Variants in NCAPG2 observed in about 807,000 individuals in gnomAD.
The protein encoded by NCAPG2 is condensin-2 complex subunit G2.
A neutral mutation model predicts 141.1 loss-of-function variants in NCAPG2; 53 were observed. The ratio of observed to expected loss-of-function variants is 0.38; its 90% CI spans 0.30 to 0.47. The LOEUF (loss-of-function observed/expected upper bound fraction) is 0.47. Among genes scored for constraint, NCAPG2 ranks in the 20% least tolerant of loss-of-function variants. The probability of loss-of-function intolerance (pLI) is 0.99; values close to 1 mark genes in which losing one functional copy is unlikely to be tolerated. For synonymous variants in NCAPG2, 499 were observed against 490.7 expected, an observed-to-expected ratio of 1.02 and a Z score of -0.22; for missense variants, 1,087 against 1,389.0, an observed-to-expected ratio of 0.78 and a Z score of 3.46.
At chr7:158,632,866 T>A (rs1473003799) in intron 27 of NCAPG2, among the ~76,000 whole-genome samples, 1 of 152,236 alleles carries the variant, frequency 6.6e-6, no homozygotes, top group African/African-American at 2.4e-5. Context: ...AAATTATTTA[T>A]GACATAGTTC....
Position 158,675,619 on chromosome 7 carries a change from G to A in NCAPG2, c.1184C>T (p.Thr395Ile), listed in dbSNP as rs990458116. The change falls in exon 12 of 28, where the codon ACA becomes ATA. Residue 395 changes from threonine to isoleucine, a missense_variant. Physicochemically the swap from Thr to Ile is moderately conservative, Grantham distance 89. Transcript: ENST00000356309. ...LEDPYPMVRS[T>I]GILGVCKITS... ...TATTTTACAAACACCAAGGATCCCT[G>A]TGGAACGGACCATCGGGTAAGGATC... 4 of 1,613,288 alleles carry A rather than the reference G, an allele frequency of 2.5e-6. No homozygotes were observed. The highest frequency in any genetic ancestry group is 1.3e-5 in the African/African-American group (1 of 74,876).
chr7:158,701,798 A>G, intron 2 of NCAPG2, 24 bp downstream of exon 2: 1 of 1,597,718 alleles, frequency 6.3e-7, no homozygotes, highest in South Asian at 1.1e-5. Flanking sequence ...AAAAATCACA[A>G]CAAAACTAAA....
chr7:158,632,439 G>C (rs1392085225), intron 27 of NCAPG2, among the ~76,000 whole-genome samples: 1 of 152,156 alleles, frequency 6.6e-6, no homozygotes, highest in African/African-American at 2.4e-5. Flanking sequence ...ACTCCTGCAT[G>C]GCTCCAATGC....
chr7:158,658,559 C>A, intron 16 of NCAPG2, 151 bp from the exon 17 acceptor site: 2 of 645,438 alleles, frequency 3.1e-6, no homozygotes, highest in Non-Finnish European at 4.9e-6. Context: ...AAACTTAAAC[C>A]AGCCTCATGT....
At chr7:158,636,685 A>C (rs1403975206) in intron 27 of NCAPG2, among the ~76,000 whole-genome samples, 6 of 152,070 alleles carry the variant, frequency 3.9e-5, no homozygotes, top group Non-Finnish European at 8.8e-5. Flanking sequence ...TACAGGCATA[A>C]GCCACTGTGC....
chr7:158,658,704 G>A (rs1832218773), intron 16 of NCAPG2, among the ~76,000 whole-genome samples: 1 of 152,142 alleles, frequency 6.6e-6, no homozygotes, highest in East Asian at 1.9e-4. Context: ...CAGTAAGCAG[G>A]ATAAACAAAA....
chr7:158,663,807 T>C (rs566292869), intron 15 of NCAPG2, among the ~76,000 whole-genome samples: 1 of 152,372 alleles, frequency 6.6e-6, no homozygotes, highest in South Asian at 2.1e-4. Flanking sequence ...ATATAATTGG[T>C]TGCTTTGGAT....
chr7:158,647,986 G>A (rs1831155539), intron 24 of NCAPG2, among the ~76,000 whole-genome samples: 1 of 152,082 alleles, frequency 6.6e-6, no homozygotes, highest in Admixed American at 6.5e-5. Context: ...GCCTGGCCTA[G>A]ACAGCACTTC....
At chr7:158,637,331 A>C (rs1214894395) in intron 27 of NCAPG2, among the ~76,000 whole-genome samples, 1 of 152,306 alleles carries the variant, frequency 6.6e-6, no homozygotes, top group African/African-American at 2.4e-5. Context: ...TCATTCACTC[A>C]GTCGCTAGGA....
At chr7:158,655,482 C>G (rs759036696) in intron 19 of NCAPG2, 27 bp from the exon 20 acceptor site, 1 of 1,576,754 alleles carries the variant, frequency 6.3e-7, no homozygotes, top group South Asian at 1.1e-5. Context: ...CCAAGGGCCA[C>G]ATGCTGACTG....
chr7:158,704,163 T>A (rs1340748077), intron 1 of NCAPG2, among the ~76,000 whole-genome samples: 1 of 119,316 alleles, frequency 8.4e-6, no homozygotes, highest in African/African-American at 3.3e-5. Flanking sequence ...ACTGAGGGGG[T>A]CGCTCTCTGA....
chr7:158,654,724 A>G (rs1831772364), intron 21 of NCAPG2, 30 bp from the exon 22 acceptor site: 1 of 1,595,746 alleles, frequency 6.3e-7, no homozygotes, highest in Non-Finnish European at 8.5e-7. Flanking sequence ...CTTAGCAACA[A>G]AGGCCATTTT....
At chr7:158,694,404 G>A (rs553960774) in intron 2 of NCAPG2, among the ~76,000 whole-genome samples, 2 of 152,286 alleles carry the variant, frequency 1.3e-5, no homozygotes, top group Admixed American at 1.3e-4. Flanking sequence ...ACAAGTGGGT[G>A]GAAGCCTGGT....
In NCAPG2 at chr7:158,660,401, C is replaced by CTT. The variant is rs945928092; in HGVS notation, c.1989+1791_1989+1792dup. Among the ~76,000 whole-genome samples, 518 of 72,776 alleles carry CTT rather than the reference C, an allele frequency of 7.1e-3. 16 individuals are homozygous for CTT. Among genetic ancestry groups the CTT allele is most frequent in the African/African-American group, 0.015 (279 of 18,116 alleles). 47.7% of individuals were successfully genotyped at this position (72,776 alleles called of 152,430 possible). A position where few individuals can be genotyped will look rare whatever the true frequency, so the allele number is the denominator to read the frequency against. On this transcript the variant is annotated intron_variant, in intron 16 of 27. Transcript: ENST00000356309. ...AGTCCCAGGTCATTATTTCAGCTTT[C>CTT]TTTTTTTTTTTTTTTTTTTTTTTTT...
At chr7:158,640,599 C>G (rs182027273) in intron 27 of NCAPG2, 4 of 152,172 alleles carry the variant, frequency 2.6e-5, no homozygotes, top group African/African-American at 9.6e-5. Flanking sequence ...GAATTATAAA[C>G]TACATAACAT....
chr7:158,693,845 A>G (rs1835275368), intron 2 of NCAPG2, among the ~76,000 whole-genome samples: 2 of 152,202 alleles, frequency 1.3e-5, no homozygotes, highest in South Asian at 4.1e-4. Flanking sequence ...TCCAGCCCCA[A>G]GTGGGCCCTC....
intron 17 of NCAPG2, among the ~76,000 whole-genome samples, 186 bp downstream of exon 17, chr7:158,658,149 TAAA>T (rs11444440): frequency 2.1e-5 from 2 of 97,500 alleles, no homozygotes; most frequent in Non-Finnish European, 2.2e-5. Flanking sequence ...GAATGATCAA[TAAA>T]AAAAAAAAAA....
chr7:158,672,282 G>GTATA (rs1563549087), intron 12 of NCAPG2, among the ~76,000 whole-genome samples: 16 of 21,060 alleles, frequency 7.6e-4, no homozygotes, highest in African/African-American at 3.4e-3. Context: ...AAACACATGT[G>GTATA]TGTGTGTGTG....
In NCAPG2 at chr7:158,656,411, C is replaced by T. The variant is rs1831979291; in HGVS notation, c.2237G>A (p.Arg746Lys). ...TGGGCGTGTGTCATGGATCTGCACC[C>T]TACCTTTAGAAGCTGTGTTGCTCTG... ...QAKSNTASKG[R>K]VQIHDTRPVK... Residue 746 changes from arginine (R) to lysine (K), a missense_variant, in exon 19 of 28, where the codon AGG becomes AAG. Coordinates refer to ENST00000356309, the MANE Select transcript of NCAPG2 (RefSeq NM_017760.7). The T allele has an allele frequency of 1.2e-6, 2 of 1,614,038 alleles. No homozygotes were observed.
Sources: allele counts gnomAD v4.1 joint callset (sites outside exome capture counted in the v4.1 genomes callset), GRCh38; gene constraint gnomAD v4.1.1; transcripts MANE v1.5; gene names NCBI Gene and HGNC (gene_info 2026-07-23, HGNC 2026-07-21).